Variants in RFTN1 observed in about 807,000 individuals in gnomAD.
RFTN1 encodes raftlin.
RFTN1 carries 26 observed loss-of-function variants against 46.5 expected under a neutral mutation model. That is an observed-to-expected ratio of 0.56 (90% CI 0.41 to 0.78). RFTN1 has a LOEUF of 0.78. RFTN1 is among the 30% of genes least tolerant of loss of function. The pLI is 0.00. For synonymous variants in RFTN1, 261 were observed against 284.2 expected (o/e 0.92, Z 0.82); for missense variants, 693 against 718.7 (o/e 0.96, Z 0.41).
In RFTN1 at chr3:16,433,922, C is replaced by G; in HGVS notation, c.261G>C (p.Gln87His). The change falls in exon 3 of 10, where the codon CAG becomes CAC. Residue 87 changes from glutamine (Q) to histidine (H), a missense_variant. By Grantham distance (24) the Gln-to-His change is conservative. Coordinates refer to ENST00000334133, the MANE Select transcript of RFTN1 (RefSeq NM_015150.2). The surrounding 1 kb of genome is among the most constrained non-coding windows in gnomAD (Gnocchi z 4.4). ...GCGTCTTCTCCCGCTCATGGGTGGG[C>G]TGCACGAAGGGGTGCAGGGCCGCCA... ...FSLAALHPFV[Q>H]PTHEREKTPL... The G allele has an allele frequency of 6.2e-7, 1 of 1,614,170 alleles. No individual in the cohort carries two copies. Among genetic ancestry groups the G allele is most frequent in the Non-Finnish European group, 8.5e-7 (1 of 1,180,006 alleles).
intron 8 of RFTN1, among the ~76,000 whole-genome samples, chr3:16,324,080 T>C (rs773163099): frequency 6.6e-6 from 1 of 151,714 alleles, no homozygotes; most frequent in Non-Finnish European, 1.5e-5. Context: ...CTAAAGATGA[T>C]AGAAGTATTG....
chr3:16,347,172 A>G (rs976024955), intron 7 of RFTN1, among the ~76,000 whole-genome samples: 2 of 152,082 alleles, frequency 1.3e-5, no homozygotes, highest in Non-Finnish European at 1.5e-5. Flanking sequence ...CCTTCAACCC[A>G]TTGCAAAAAT....
intron 2 of RFTN1, among the ~76,000 whole-genome samples, chr3:16,439,751 C>T (rs911268603): frequency 5.3e-5 from 8 of 152,084 alleles, no homozygotes; most frequent in South Asian, 2.1e-4. Flanking sequence ...CACTGCTGCC[C>T]GAGGGTTCCA....
chr3:16,409,161 G>A (rs1294152092), intron 4 of RFTN1, among the ~76,000 whole-genome samples: 2 of 152,210 alleles, frequency 1.3e-5, no homozygotes, highest in South Asian at 2.1e-4. Context: ...GACAGGACCC[G>A]GGCTCCTGCA....
chr3:16,467,084 A>C (rs963754357), intron 2 of RFTN1, among the ~76,000 whole-genome samples: 2 of 152,180 alleles, frequency 1.3e-5, no homozygotes, highest in African/African-American at 2.4e-5. Flanking sequence ...AGAGATACAC[A>C]AAACAAAAAG....
chr3:16,376,142 A>G lies in RFTN1; in HGVS notation c.826+1576T>C, dbSNP rs1289189323. Among the ~76,000 whole-genome samples, 1 of 152,170 alleles carries G rather than the reference A, an allele frequency of 6.6e-6. No individual in the cohort carries two copies. The highest frequency in any genetic ancestry group is 2.4e-5 in the African/African-American group (1 of 41,428). On this transcript the variant is annotated intron_variant, in intron 5 of 9. Transcript: ENST00000334133. This position sits in a 1 kb window ranked among gnomAD's most constrained non-coding sequence, Gnocchi z 4.7. ...CCTCCTTTCTCAAAGCCAGGATTCCATGAGAGGTGGAGGTCGAGTGTCAGG... is the reference window on the plus strand; with the variant it reads ...CCTCCTTTCTCAAAGCCAGGATTCCGTGAGAGGTGGAGGTCGAGTGTCAGG...
At position 16,317,048 on chromosome 3, in the gene RFTN1, T is replaced by C; in HGVS notation, c.1517A>G (p.Glu506Gly). Residue 506 changes from glutamate (E) to glycine (G), a missense_variant, in exon 10 of 10, where the codon GAG becomes GGG. Transcript: ENST00000334133. The surrounding 1 kb of genome is among the most constrained non-coding windows in gnomAD (Gnocchi z 4.3). ...CTCTTGGACAGGGCCCTTCATCTCC[T>C]CGGAGACTCCACCCTCCTGCTGCTG... is the stretch of plus-strand genomic sequence containing the variant. The part of the protein sequence containing the change: ...SGQQQEGGVS[E>G]EMKGPVQEDK... 6.2e-7 allele frequency: 1 copy of C among 1,613,692 alleles called. No homozygotes were observed. The highest frequency in any genetic ancestry group is 8.5e-7 in the Non-Finnish European group (1 of 1,179,932).
chr3:16,495,612 A>G (rs574972740), intron 1 of RFTN1, among the ~76,000 whole-genome samples: 1 of 152,326 alleles, frequency 6.6e-6, no homozygotes, highest in South Asian at 2.1e-4. Flanking sequence ...TGACGTAGAG[A>G]TGGAGGCACA....
rs139034273 is a variant in RFTN1, at chr3:16,451,257, G to A, written c.146-17220C>T. On this transcript the variant is annotated intron_variant, in intron 2 of 9. Coordinates refer to ENST00000334133, the MANE Select transcript of RFTN1 (RefSeq NM_015150.2). This position sits in a 1 kb window ranked among gnomAD's most constrained non-coding sequence, Gnocchi z 4.2. ...GCTGTCCTAGAAGTCAAGGGAAGAC[G>A]GAACAGCAGAACGTCTCATCAGTGA... 3.9e-5 allele frequency among the ~76,000 whole-genome samples: 6 copies of A among 152,252 alleles called. No homozygotes were observed. Among genetic ancestry groups the A allele is most frequent in the Non-Finnish European group, 5.9e-5 (4 of 68,020 alleles).
At position 16,376,399 on chromosome 3, in the gene RFTN1, T is replaced by G. The variant is rs2073772753; in HGVS notation, c.826+1319A>C. ...GCCCTTTCTCCTGGGGGCCTCTGCC[T>G]GGCCTGACTCTCGCCCTCCCACAGT... On this transcript the variant is annotated intron_variant, in intron 5 of 9. Transcript: ENST00000334133. The surrounding 1 kb of genome is among the most constrained non-coding windows in gnomAD (Gnocchi z 4.7). Among the ~76,000 whole-genome samples, 1 of 152,180 alleles carries G rather than the reference T, an allele frequency of 6.6e-6. No homozygotes were observed. Among genetic ancestry groups the G allele is most frequent in the Non-Finnish European group, 1.5e-5 (1 of 68,034 alleles).
chr3:16,398,263 AAAAAAAAAAAG>A (rs1464068622), intron 4 of RFTN1, among the ~76,000 whole-genome samples: 17 of 42,318 alleles, frequency 4.0e-4, no homozygotes, highest in African/African-American at 2.6e-3. Context: ...AAAAAAAAAA[AAAAAAAAAAAG>A]AAGCATCATG....
chr3:16,377,922 C>T lies in RFTN1; in HGVS notation c.622G>A (p.Gly208Arg), dbSNP rs1308158866. ...CCAGCCGGAGCACTGCACACATCCC[C>T]AGTCCCCGGTTTCTCATTCTCCAGT... ...ASLENEKPGT[G>R]DVCSAPAGRN... Residue 208 changes from glycine to arginine, a missense_variant, in exon 5 of 10, where the codon GGG becomes AGG. Physicochemically the swap from Gly to Arg is moderately radical, Grantham distance 125. Transcript: ENST00000334133. The T allele has an allele frequency of 6.8e-6, 11 of 1,614,124 alleles. No individual in the cohort carries two copies. The highest frequency in any genetic ancestry group is 1.1e-5 in the South Asian group (1 of 91,094).
At position 16,361,124 on chromosome 3, in the gene RFTN1, C is replaced by T. The variant is rs527692777; in HGVS notation, c.1031-3077G>A. On this transcript the variant is annotated intron_variant, in intron 6 of 9. Transcript: ENST00000334133. The surrounding 1 kb of genome is among the most constrained non-coding windows in gnomAD (Gnocchi z 4.3). ...CTCTACAAGGCTCTTGAAGGCCTAA[C>T]TAGAATCAAAGAGTTTTTTAAAACT... Among the ~76,000 whole-genome samples the T allele has an allele frequency of 2.1e-4, 32 of 152,284 alleles. No homozygotes were observed. The highest frequency in any genetic ancestry group is 7.5e-4 in the African/African-American group (31 of 41,568).
At chr3:16,378,835 C>G (rs2073882100) in intron 4 of RFTN1, among the ~76,000 whole-genome samples, 1 of 152,166 alleles carries the variant, frequency 6.6e-6, no homozygotes, top group African/African-American at 2.4e-5. Flanking sequence ...CCTTCTCACT[C>G]CCTGTACCAA....
At chr3:16,401,686 T>C (rs1019534979) in intron 4 of RFTN1, among the ~76,000 whole-genome samples, 2 of 152,254 alleles carry the variant, frequency 1.3e-5, no homozygotes, top group African/African-American at 4.8e-5. Context: ...AAACTGGTCC[T>C]TCACCACAGA....
At chr3:16,495,752 G>A (rs2076614183) in intron 1 of RFTN1, among the ~76,000 whole-genome samples, 1 of 152,206 alleles carries the variant, frequency 6.6e-6, no homozygotes, top group African/African-American at 2.4e-5. Context: ...CCCATATGGT[G>A]CCTTTGTGAG....
At position 16,372,117 on chromosome 3, in the gene RFTN1, A is replaced by G. The variant is rs1412990030; in HGVS notation, c.827-1838T>C. On this transcript the variant is annotated intron_variant, in intron 5 of 9. Transcript: ENST00000334133. ...GGATTCCTTCGAAAGCAGACCCTGC[A>G]AGCTTTCCTGTGCAAGTAGTTTATT... is the stretch of plus-strand genomic sequence containing the variant. Among the ~76,000 whole-genome samples, 10 of 152,170 alleles carry G rather than the reference A, an allele frequency of 6.6e-5. No individual in the cohort carries two copies. In the East Asian group the frequency reaches 1.7e-3, roughly 26 times the overall value.
rs879905783 is a variant in RFTN1, at chr3:16,315,887, C to G, written c.*941G>C. 3 of 152,238 alleles carry G rather than the reference C, an allele frequency of 2.0e-5. No homozygotes were observed. The highest frequency in any genetic ancestry group is 4.4e-5 in the Non-Finnish European group (3 of 68,062). 9.4% of individuals were successfully genotyped at this position (152,238 alleles called of 1,614,324 possible). A position where few individuals can be genotyped will look rare whatever the true frequency, so the allele number is the denominator to read the frequency against. On this transcript the variant is annotated 3_prime_UTR_variant, in exon 10 of 10. Transcript: ENST00000334133. ...ATAGATGATTTATTGCCGTAAGTAA[C>G]TAAACAAGAGAAGAGACAGGCTGTG...
chr3:16,408,531 G>A (rs866049255), intron 4 of RFTN1, among the ~76,000 whole-genome samples: 13 of 146,494 alleles, frequency 8.9e-5, no homozygotes, highest in East Asian at 2.1e-4. Context: ...CTCAGCCCCA[G>A]TTTGGGGCTA....
Sources: gnomAD v4.1 joint callset for allele counts (sites outside exome capture counted in the v4.1 genomes callset) on GRCh38, gnomAD v4.1.1 for gene constraint, Gnocchi (gnomAD v3.1) non-coding constraint, MANE v1.5 for transcripts, NCBI Gene and HGNC (gene_info 2026-07-23, HGNC 2026-07-21) for gene names.